Variants in KIF21A observed in about 807,000 individuals in gnomAD.
The protein encoded by KIF21A is kinesin family member 21A.
KIF21A carries 114 observed loss-of-function variants against 202.9 expected under a neutral mutation model. The ratio of observed to expected loss-of-function variants is 0.56; its 90% CI spans 0.48 to 0.66. KIF21A has a LOEUF of 0.66. KIF21A is among the 30% of genes least tolerant of loss of function. KIF21A has a pLI of 0.00. For synonymous variants in KIF21A, 667 were observed against 670.8 expected, an observed-to-expected ratio of 0.99 and a Z score of 0.09; for missense variants, 1,677 against 1,994.9, an observed-to-expected ratio of 0.84 and a Z score of 3.04.
At chr12:39,338,933 C>T (rs1048783197) in intron 16 of KIF21A, among the ~76,000 whole-genome samples, 7 of 152,136 alleles carry the variant, frequency 4.6e-5, no homozygotes, top group African/African-American at 1.7e-4. Flanking sequence ...AATGCAATAT[C>T]TGCAAAGGGT....
intron 16 of KIF21A, among the ~76,000 whole-genome samples, chr12:39,338,486 A>G (rs182426684): frequency 6.6e-6 from 1 of 152,318 alleles, no homozygotes; most frequent in Admixed American, 6.5e-5. Context: ...TGTGTAGAGT[A>G]TTGATAAAGT....
At chr12:39,365,242 C>T (rs1381534174) in intron 6 of KIF21A, among the ~76,000 whole-genome samples, 1 of 152,212 alleles carries the variant, frequency 6.6e-6, no homozygotes, top group Non-Finnish European at 1.5e-5. Flanking sequence ...TAATAAAACT[C>T]CAGTCTTCCA....
chr12:39,423,483 A>T (rs1197798285), intron 1 of KIF21A, among the ~76,000 whole-genome samples: 2 of 151,778 alleles, frequency 1.3e-5, no homozygotes, highest in Non-Finnish European at 2.9e-5. Context: ...TCAAATCCCC[A>T]TAGGTGCTAC....
intron 1 of KIF21A, among the ~76,000 whole-genome samples, chr12:39,417,057 A>T (rs1248362608): frequency 6.6e-6 from 1 of 151,984 alleles, no homozygotes; most frequent in African/African-American, 2.4e-5. Flanking sequence ...CACCAGAACT[A>T]GCATGAAGGC....
At chr12:39,358,772 T>C (rs1421885198) in intron 7 of KIF21A, among the ~76,000 whole-genome samples, 1 of 152,228 alleles carries the variant, frequency 6.6e-6, no homozygotes, top group African/African-American at 2.4e-5. Context: ...TCCTGACTTT[T>C]GATGCCAGCA....
At chr12:39,370,916 G>C (rs1011084432) in intron 1 of KIF21A, among the ~76,000 whole-genome samples, 18 of 152,012 alleles carry the variant, frequency 1.2e-4, no homozygotes, top group African/African-American at 4.3e-4. Context: ...TTTCACATTG[G>C]TTTCACAACT....
intron 5 of KIF21A, 144 bp downstream of exon 5, chr12:39,366,886 T>C (rs530661231): frequency 1.4e-5 from 12 of 848,120 alleles, no homozygotes; most frequent in Non-Finnish European, 1.9e-5. Flanking sequence ...CTGACCAGCT[T>C]CAACTTAACT....
Position 39,358,879 on chromosome 12 carries a change from T to C in KIF21A, c.1020-506A>G, listed in dbSNP as rs533023286. ...TAAACTGTCATTTGTGACTGAATGATCAGAATTACAGTTTCTGGCCAGATT... is the reference window on the plus strand; with the variant it reads ...TAAACTGTCATTTGTGACTGAATGACCAGAATTACAGTTTCTGGCCAGATT... On this transcript the variant is annotated intron_variant, in intron 7 of 37. Transcript: ENST00000361418. Among the ~76,000 whole-genome samples the C allele has an allele frequency of 3.3e-5, 5 of 151,650 alleles. No homozygotes were observed. In the East Asian group the frequency reaches 7.8e-4, roughly 24 times the overall value.
intron 1 of KIF21A, among the ~76,000 whole-genome samples, chr12:39,372,053 CAATAGAGGTAA>C (rs769857632): frequency 6.0e-5 from 9 of 149,208 alleles, no homozygotes; most frequent in South Asian, 2.1e-4. Context: ...AAACTCAGGT[CAATAGAGGTAA>C]AATAGAGGTA....
intron 17 of KIF21A, among the ~76,000 whole-genome samples, chr12:39,336,686 A>T (rs1216301918): frequency 6.6e-6 from 1 of 152,170 alleles, no homozygotes; most frequent in East Asian, 1.9e-4. Flanking sequence ...TCCTTAGAAA[A>T]GCCTCTTCTA....
intron 17 of KIF21A, among the ~76,000 whole-genome samples, chr12:39,336,429 T>G (rs1292501360): frequency 6.6e-6 from 1 of 152,170 alleles, no homozygotes; most frequent in African/African-American, 2.4e-5. Flanking sequence ...GACCATGCTT[T>G]ACACTTAATG....
rs1053691752 is a variant in KIF21A, at chr12:39,341,900, T to A, written c.1803+134A>T. 24 of 729,750 alleles carry A rather than the reference T, an allele frequency of 3.3e-5. No individual in the cohort carries two copies. The African/African-American group carries it at 3.3e-4, about 10-fold the overall frequency. The allele number at this position is 729,750 out of a possible 1,614,324, so 45.2% of individuals were successfully genotyped here. ...TATAGCTTGTATCTCTGAAGAAACATCTTCAAAGAAATAGATTAAACAGAA... is the reference window on the plus strand; with the variant it reads ...TATAGCTTGTATCTCTGAAGAAACAACTTCAAAGAAATAGATTAAACAGAA... On this transcript the variant is annotated intron_variant, in intron 13 of 37. Transcript: ENST00000361418.
intron 11 of KIF21A, among the ~76,000 whole-genome samples, chr12:39,350,777 C>A (rs1948307220): frequency 6.6e-6 from 1 of 151,962 alleles, no homozygotes; most frequent in Non-Finnish European, 1.5e-5. Context: ...CTCAGGAACA[C>A]AAAGCAGAAT....
At chr12:39,314,655 C>G (rs544702466) in intron 31 of KIF21A, among the ~76,000 whole-genome samples, 1 of 151,712 alleles carries the variant, frequency 6.6e-6, no homozygotes, top group Non-Finnish European at 1.5e-5. Context: ...TACTGTGTCT[C>G]CAAAGGTTTC....
At chr12:39,366,552 T>C (rs377550452) in intron 5 of KIF21A, 35 bp from the exon 6 acceptor site, 291 of 1,442,136 alleles carry the variant, frequency 2.0e-4, no homozygotes, top group Non-Finnish European at 2.7e-4. Context: ...AATACTTTAT[T>C]AATGTAACAT....
At chr12:39,405,435 CAATTT>C (rs1780026014) in intron 1 of KIF21A, among the ~76,000 whole-genome samples, 1 of 151,462 alleles carries the variant, frequency 6.6e-6, no homozygotes, top group South Asian at 2.1e-4. Context: ...AAAATAAATG[CAATTT>C]ATTTTTCAAA....
At chr12:39,378,611 G>A (rs1435697732) in intron 1 of KIF21A, among the ~76,000 whole-genome samples, 1 of 152,150 alleles carries the variant, frequency 6.6e-6, no homozygotes, top group African/African-American at 2.4e-5. Context: ...GCTGGTGGCT[G>A]TATGTGGTGG....
At chr12:39,431,670 G>A (rs1389628567) in intron 1 of KIF21A, among the ~76,000 whole-genome samples, 1 of 152,096 alleles carries the variant, frequency 6.6e-6, no homozygotes, top group East Asian at 1.9e-4. Flanking sequence ...GCAGCCTGAC[G>A]TTATAGAACA....
intron 12 of KIF21A, 35 bp from the exon 13 acceptor site, chr12:39,342,159 T>C (rs961900246): frequency 7.1e-7 from 1 of 1,417,796 alleles, no homozygotes; most frequent in Admixed American, 1.7e-5. Flanking sequence ...GGTGTTAAAA[T>C]AGAAAGGAAA....
Sources: gnomAD v4.1 joint callset for allele counts (sites outside exome capture counted in the v4.1 genomes callset) on GRCh38, gnomAD v4.1.1 for gene constraint, MANE v1.5 for transcripts, NCBI Gene and HGNC (gene_info 2026-07-23, HGNC 2026-07-21) for gene names.